VPS13B: variants seen among roughly 807,000 people sequenced by gnomAD.
The protein encoded by VPS13B is intermembrane lipid transfer protein VPS13B.
Under a neutral mutation model 426.4 loss-of-function variants are expected in VPS13B, and 285 were observed. The observed-to-expected ratio is 0.67, with a 90% CI of 0.61 to 0.74. The LOEUF is 0.74. Ranked by LOEUF, VPS13B falls within the 30% of genes least tolerant of loss-of-function variation. The probability of loss-of-function intolerance (pLI) is 0.00; values close to 1 mark genes in which losing one functional copy is unlikely to be tolerated. For synonymous variants in VPS13B, 1,676 were observed against 1,676.4 expected, an observed-to-expected ratio of 1.00 and a Z score of 0.01; for missense variants, 4,537 against 4,782.6, an observed-to-expected ratio of 0.95 and a Z score of 1.51.
chr8:99,718,938 T>G (rs1833026910), intron 37 of VPS13B, among the ~76,000 whole-genome samples: 1 of 152,076 alleles, frequency 6.6e-6, no homozygotes, highest in Admixed American at 6.6e-5. Flanking sequence ...GAGCCATACA[T>G]AGCACCCGGC....
chr8:99,494,504 T>G (rs912618197), intron 25 of VPS13B, among the ~76,000 whole-genome samples: 7 of 152,176 alleles, frequency 4.6e-5, no homozygotes, highest in African/African-American at 1.7e-4. Context: ...TGTTTGCTTT[T>G]AATGCATAGA....
chr8:99,636,412 CTTTTG>C (rs749603853), intron 33 of VPS13B, among the ~76,000 whole-genome samples: 6 of 151,788 alleles, frequency 4.0e-5, no homozygotes, highest in Non-Finnish European at 8.8e-5. Flanking sequence ...ACTAAATTCC[CTTTTG>C]TTTTAGTCTT....
chr8:99,488,382 T>A (rs796365896), intron 25 of VPS13B, among the ~76,000 whole-genome samples: 2 of 152,258 alleles, frequency 1.3e-5, no homozygotes, highest in African/African-American at 4.8e-5. Context: ...TGCTTTTCTC[T>A]AAGGTGTATG....
chr8:99,357,088 C>T (rs1812220965), intron 19 of VPS13B, among the ~76,000 whole-genome samples: 1 of 152,108 alleles, frequency 6.6e-6, no homozygotes, highest in Non-Finnish European at 1.5e-5. Context: ...TATGTGAAAA[C>T]ACTACATTCA....
At chr8:99,076,409 G>A (rs1276005888) in intron 3 of VPS13B, among the ~76,000 whole-genome samples, 1 of 152,058 alleles carries the variant, frequency 6.6e-6, no homozygotes. Context: ...GATTTTTTTG[G>A]TTGATTTTCC....
intron 35 of VPS13B, among the ~76,000 whole-genome samples, chr8:99,666,212 C>T (rs2510203): frequency 0.14 from 20,676 of 151,972 alleles, 1,956 homozygotes; most frequent in East Asian, 0.39. Flanking sequence ...GATTCACAGC[C>T]GAATTCTACC....
chr8:99,062,609 C>T (rs1261866267), intron 3 of VPS13B, among the ~76,000 whole-genome samples: 3 of 152,050 alleles, frequency 2.0e-5, no homozygotes, highest in African/African-American at 4.8e-5. Flanking sequence ...GCTGGGATTA[C>T]AGGCATGCGC....
intron 34 of VPS13B, among the ~76,000 whole-genome samples, chr8:99,661,002 T>G (rs1043975683): frequency 6.6e-6 from 1 of 152,176 alleles, no homozygotes. Flanking sequence ...ATTGTCCTTT[T>G]TTCTTTGTTT....
chr8:99,151,011 GA>G (rs1487257219), intron 14 of VPS13B, among the ~76,000 whole-genome samples: 5 of 152,216 alleles, frequency 3.3e-5, no homozygotes, highest in African/African-American at 1.2e-4. Context: ...CAGTGAATAA[GA>G]GTTCCTGTTT....
chr8:99,419,598 T>G (rs1248544920), intron 21 of VPS13B, among the ~76,000 whole-genome samples: 2 of 152,192 alleles, frequency 1.3e-5, no homozygotes, highest in Non-Finnish European at 2.9e-5. Context: ...CCCCCTAGTA[T>G]AATACTGGCT....
chr8:99,739,444 A>G (rs1196373422), intron 39 of VPS13B, among the ~76,000 whole-genome samples: 3 of 152,210 alleles, frequency 2.0e-5, no homozygotes. Context: ...GCAGACTTAA[A>G]TGTCCCTGTC....
chr8:99,644,705 C>T (rs1444573015), intron 34 of VPS13B, among the ~76,000 whole-genome samples: 4 of 152,090 alleles, frequency 2.6e-5, no homozygotes, highest in African/African-American at 9.7e-5. Flanking sequence ...AGTATGACTC[C>T]TGGTTAGTAA....
At chr8:99,248,281 G>A (rs1817324972) in intron 17 of VPS13B, among the ~76,000 whole-genome samples, 1 of 151,928 alleles carries the variant, frequency 6.6e-6, no homozygotes, top group Non-Finnish European at 1.5e-5. Flanking sequence ...AAAATTTCTT[G>A]TTTTTCTTTG....
intron 3 of VPS13B, among the ~76,000 whole-genome samples, chr8:99,057,795 C>T (rs940800423): frequency 2.6e-5 from 4 of 152,116 alleles, no homozygotes; most frequent in African/African-American, 7.2e-5. Flanking sequence ...ACCCTGAGGT[C>T]GTCCTTAACT....
intron 34 of VPS13B, among the ~76,000 whole-genome samples, chr8:99,653,993 G>C (rs1829923546): frequency 6.6e-6 from 1 of 151,756 alleles, no homozygotes; most frequent in African/African-American, 2.4e-5. Flanking sequence ...CTGGTTTCTT[G>C]GTTGATTTTT....
intron 23 of VPS13B, among the ~76,000 whole-genome samples, chr8:99,444,090 C>CT (rs1817801761): frequency 6.6e-6 from 1 of 150,378 alleles, no homozygotes; most frequent in Non-Finnish European, 1.5e-5. Flanking sequence ...TGGTTTGTTT[C>CT]TTTTTTTTCT....
At chr8:99,177,899 T>C (rs543416648) in intron 16 of VPS13B, among the ~76,000 whole-genome samples, 4 of 152,334 alleles carry the variant, frequency 2.6e-5, no homozygotes, top group African/African-American at 9.6e-5. Context: ...TGGGAAAATA[T>C]TATCCTGTGA....
intron 25 of VPS13B, among the ~76,000 whole-genome samples, chr8:99,497,717 A>C (rs1457971326): frequency 6.6e-6 from 1 of 152,126 alleles, no homozygotes; most frequent in East Asian, 1.9e-4. Flanking sequence ...TTTTTCAGTT[A>C]TTCAAGTGCA....
chr8:99,815,840 G>GT, intron 44 of VPS13B, among the ~76,000 whole-genome samples: 1 of 152,072 alleles, frequency 6.6e-6, no homozygotes, highest in Non-Finnish European at 1.5e-5. Context: ...AACATTTGTT[G>GT]TTTTTTGTAG....
Sources: gnomAD v4.1 joint callset for allele counts (sites outside exome capture counted in the v4.1 genomes callset) on GRCh38, gnomAD v4.1.1 for gene constraint, MANE v1.5 for transcripts, NCBI Gene and HGNC (gene_info 2026-07-23, HGNC 2026-07-21) for gene names.